Variants in APOOL observed in about 807,000 individuals in gnomAD.
APOOL encodes the protein MICOS complex subunit MIC27.
In APOOL, 12 loss-of-function variants were observed where a neutral mutation model predicts 23.1. The ratio of observed to expected loss-of-function variants is 0.52; its 90% CI spans 0.33 to 0.84. The LOEUF (loss-of-function observed/expected upper bound fraction) is 0.84. Ranked by LOEUF, APOOL falls within the 40% of genes least tolerant of loss-of-function variation. APOOL has a pLI of 0.02. For missense variants in APOOL, 212 were observed against 199.6 expected (o/e 1.06, Z -0.37); for synonymous variants, 77 against 69.9 (o/e 1.10, Z -0.51).
Position 85,046,474 on chromosome X carries a change from G to A in APOOL, c.44G>A (p.Gly15Asp). ...RMGKLTTMPA[G>D]LIYASVSVHA... ...GGAAAACTGACAACCATGCCTGCAG[G>A]TCTGATATATGCATCTGTAAGTGTA... is the stretch of plus-strand genomic sequence containing the variant. The change falls in exon 2 of 9, where the codon GGT becomes GAT. Residue 15 changes from glycine to aspartate, a missense_variant. Transcript: ENST00000373173. The A allele has an allele frequency of 8.3e-7, 1 of 1,208,442 alleles. No individual in the cohort carries two copies. The highest frequency in any genetic ancestry group is 1.1e-6 in the Non-Finnish European group (1 of 894,000).
At chrX:85,054,045 C>A (rs1263957933) in intron 3 of APOOL, among the ~76,000 whole-genome samples, 1 of 110,999 alleles carries the variant, frequency 9.0e-6, no homozygotes, top group Non-Finnish European at 1.9e-5. Flanking sequence ...ATTTATTTTT[C>A]TAGGTCATTA....
Position 85,092,579 on chromosome X carries a change from A to G in APOOL, c.*4901A>G. ...ATGGCTATCTGTTTAAAAACAAACAAGCAAATATTACTTTCATTTGAAAGT... is the reference window on the plus strand; with the variant it reads ...ATGGCTATCTGTTTAAAAACAAACAGGCAAATATTACTTTCATTTGAAAGT... On this transcript the variant is annotated 3_prime_UTR_variant, in exon 9 of 9. Transcript: ENST00000373173. 1 of 1,181,851 alleles carries G rather than the reference A, an allele frequency of 8.5e-7. No individual in the cohort carries two copies. The highest frequency in any genetic ancestry group is 1.1e-6 in the Non-Finnish European group (1 of 873,290).
At chrX:85,033,296 ATTAGACCACAGGTGTTATTTTGT>A (rs2147484335) in intron 1 of APOOL, among the ~76,000 whole-genome samples, 1 of 112,192 alleles carries the variant, frequency 8.9e-6, no homozygotes, top group Admixed American at 9.5e-5. Flanking sequence ...TTGCTATTAT[ATTAGACCACAGGTGTTATTTTGT>A]CAGCACATTC....
intron 1 of APOOL, among the ~76,000 whole-genome samples, chrX:85,024,107 C>G (rs1921762363): frequency 8.9e-6 from 1 of 111,803 alleles, no homozygotes. Flanking sequence ...TAGGGATTGC[C>G]TCTGTGTCAG....
Position 85,076,262 on chromosome X carries a change from C to T in APOOL, c.718+1871C>T, listed in dbSNP as rs757437781. ...CAGTACATAACAATATATCATTTGG[C>T]GTTTATTATACAGTATAACCTTGGG... On this transcript the variant is annotated intron_variant, in intron 8 of 8. Transcript: ENST00000373173. Among the ~76,000 whole-genome samples, 231 of 110,668 alleles carry T rather than the reference C, an allele frequency of 2.1e-3. 1 individual carries two copies. Among genetic ancestry groups the T allele is most frequent in the African/African-American group, 7.0e-3 (215 of 30,504 alleles).
chrX:85,086,974 C>T (rs1478061768), intron 8 of APOOL, among the ~76,000 whole-genome samples: 1 of 111,158 alleles, frequency 9.0e-6, no homozygotes. Context: ...GCTAGGATTA[C>T]AGGCGTGAGC....
chrX:85,081,108 G>T lies in APOOL; in HGVS notation c.719-6482G>T, dbSNP rs773512962. 9.0e-5 allele frequency among the ~76,000 whole-genome samples: 10 copies of T among 111,512 alleles called. No homozygotes were observed. The East Asian group carries it at 1.4e-3, about 16-fold the overall frequency. Reference sequence around the variant, plus strand: ...CCCATTTACATTTAAGGTTAATATTGTTATGTGTGAATTTGATCCTGTCGT... The same window carrying T: ...CCCATTTACATTTAAGGTTAATATTTTTATGTGTGAATTTGATCCTGTCGT... On this transcript the variant is annotated intron_variant, in intron 8 of 8. Transcript: ENST00000373173.
At chrX:85,043,828 G>T (rs1922482804) in intron 1 of APOOL, among the ~76,000 whole-genome samples, 1 of 111,884 alleles carries the variant, frequency 8.9e-6, no homozygotes, top group African/African-American at 3.3e-5. Flanking sequence ...GAAAAATGAG[G>T]AATAAGCAGA....
chrX:85,007,635 C>T (rs765859278), intron 1 of APOOL, among the ~76,000 whole-genome samples: 2 of 111,042 alleles, frequency 1.8e-5, no homozygotes, highest in South Asian at 3.8e-4. Context: ...GCTGATCTCT[C>T]GGGTCTTCTG....
At chrX:85,061,894 A>T (rs1162052989) in intron 5 of APOOL, among the ~76,000 whole-genome samples, 4 of 110,574 alleles carry the variant, frequency 3.6e-5, no homozygotes, top group Non-Finnish European at 5.7e-5. Flanking sequence ...TTCTGCTCTG[A>T]TCTTAGTTAT....
intron 1 of APOOL, among the ~76,000 whole-genome samples, chrX:85,007,859 C>G (rs1031192849): frequency 1.3e-4 from 14 of 111,936 alleles, no homozygotes; most frequent in Non-Finnish European, 1.9e-4. Context: ...GTATCAGGTA[C>G]TGCGCTAAGC....
intron 1 of APOOL, among the ~76,000 whole-genome samples, chrX:85,042,621 C>T (rs2147642073): frequency 8.9e-6 from 1 of 112,036 alleles, no homozygotes; most frequent in East Asian, 2.8e-4. Context: ...CCTGATATTA[C>T]AGCACATCAA....
Position 85,092,468 on chromosome X carries a change from C to T in APOOL, c.*4790C>T, listed in dbSNP as rs1569462974. 1 of 1,206,464 alleles carries T rather than the reference C, an allele frequency of 8.3e-7. No homozygotes were observed. ...TGCCAGCCCTCCTCAGAGGAAAGGT[C>T]TAAAGCCCCTCGACTAGTATAGTAG... is the stretch of plus-strand genomic sequence containing the variant. On this transcript the variant is annotated 3_prime_UTR_variant, in exon 9 of 9. Transcript: ENST00000373173.
intron 8 of APOOL, among the ~76,000 whole-genome samples, chrX:85,077,051 G>A (rs866810033): frequency 1.3e-4 from 9 of 70,082 alleles, no homozygotes; most frequent in East Asian, 4.2e-4. Context: ...ATACGTATAT[G>A]TATATACACG....
chrX:85,035,035 A>T (rs1276740822), intron 1 of APOOL, among the ~76,000 whole-genome samples: 1 of 111,802 alleles, frequency 8.9e-6, no homozygotes, highest in African/African-American at 3.2e-5. Flanking sequence ...GAAATATCCA[A>T]ACTGCTTTCC....
intron 8 of APOOL, among the ~76,000 whole-genome samples, chrX:85,076,294 C>T (rs1365704897): frequency 9.0e-6 from 1 of 110,606 alleles, no homozygotes; most frequent in East Asian, 2.8e-4. Flanking sequence ...TGGGATTCAC[C>T]ATTTCCACGT....
At chrX:85,012,864 A>C (rs1921336899) in intron 1 of APOOL, among the ~76,000 whole-genome samples, 1 of 111,559 alleles carries the variant, frequency 9.0e-6, no homozygotes, top group South Asian at 3.7e-4. Flanking sequence ...TCATAGAATG[A>C]TCTAGGGAGG....
At chrX:85,016,509 A>G (rs947495627) in intron 1 of APOOL, among the ~76,000 whole-genome samples, 2 of 110,801 alleles carry the variant, frequency 1.8e-5, no homozygotes, top group Non-Finnish European at 3.8e-5. Context: ...GTAGCGGGGA[A>G]TTGTGACTCT....
chrX:85,046,736 C>T (rs770468618), intron 2 of APOOL, among the ~76,000 whole-genome samples, 186 bp downstream of exon 2: 2 of 111,892 alleles, frequency 1.8e-5, no homozygotes, highest in African/African-American at 6.5e-5. Context: ...ATCTAAAATT[C>T]TAACTCCAGT....
Sources: gnomAD v4.1 joint callset for allele counts (sites outside exome capture counted in the v4.1 genomes callset) on GRCh38, gnomAD v4.1.1 for gene constraint, MANE v1.5 for transcripts, NCBI Gene and HGNC (gene_info 2026-07-23, HGNC 2026-07-21) for gene names.